PABIR3: variants seen among roughly 807,000 people sequenced by gnomAD.
PABIR3 encodes the protein PABIR family member 3, also known as PABIR family member 1.
A neutral mutation model predicts 23.1 loss-of-function variants in PABIR3; 20 were observed. The observed-to-expected ratio is 0.86, with a 90% CI of 0.61 to 1.26. The LOEUF (loss-of-function observed/expected upper bound fraction) is 1.26. PABIR3 is among the 50% of genes most tolerant of loss of function. The pLI is 0.00. For missense variants in PABIR3, 189 were observed against 195.4 expected (o/e 0.97, Z 0.20); for synonymous variants, 69 against 68.5 (o/e 1.01, Z -0.04).
chrX:134,855,261 C>T (rs908885058), downstream of PABIR3, among the ~76,000 whole-genome samples: 41 of 109,428 alleles, frequency 3.7e-4, no homozygotes, highest in Admixed American at 7.9e-4. Flanking sequence ...GGTGAAACCC[C>T]GTCTCTACTA....
intron 3 of PABIR3, among the ~76,000 whole-genome samples, chrX:134,821,000 C>T (rs184221024): frequency 0.01 from 1,066 of 103,335 alleles, 15 homozygotes; most frequent in African/African-American, 0.033. Context: ...CCAGCCTGGG[C>T]GACAGAGACA....
intron 4 of PABIR3, among the ~76,000 whole-genome samples, chrX:134,833,733 G>A (rs2081887663): frequency 9.1e-6 from 1 of 109,660 alleles, no homozygotes; most frequent in Non-Finnish European, 1.9e-5. Context: ...TGTTCTCATT[G>A]TTCAACTCCC....
chrX:134,825,311 A>G (rs1228630049), intron 3 of PABIR3, among the ~76,000 whole-genome samples: 5 of 111,932 alleles, frequency 4.5e-5, no homozygotes, highest in Non-Finnish European at 9.4e-5. Flanking sequence ...TGATGATGGT[A>G]GTAATAATGG....
At chrX:134,825,636 G>A (rs767162877) in intron 3 of PABIR3, among the ~76,000 whole-genome samples, 71 of 110,306 alleles carry the variant, frequency 6.4e-4, no homozygotes, top group Non-Finnish European at 1.1e-3. Flanking sequence ...TGAGTTATGC[G>A]CCAGTCAAGA....
At chrX:134,797,506 A>G (rs890500772) in intron 1 of PABIR3, among the ~76,000 whole-genome samples, 1 of 112,316 alleles carries the variant, frequency 8.9e-6, no homozygotes, top group Non-Finnish European at 1.9e-5. Context: ...ATCCCCACTC[A>G]TGCCTTAAAT....
At chrX:134,822,306 C>T (rs769572690) in intron 3 of PABIR3, 6 of 751,888 alleles carry the variant, frequency 8.0e-6, no homozygotes, top group Non-Finnish European at 9.4e-6. Context: ...CCTTTGCAAA[C>T]GCCACTTGTA....
intron 2 of PABIR3, among the ~76,000 whole-genome samples, chrX:134,808,645 G>T (rs1004340325): frequency 1.8e-5 from 2 of 112,363 alleles, no homozygotes; most frequent in African/African-American, 6.5e-5. Flanking sequence ...CTCCCAAAGT[G>T]CTGGGATTAC....
At chrX:134,852,973 G>A (rs939387369) in intron 10 of PABIR3, 77 bp downstream of exon 10, 54 of 548,158 alleles carry the variant, frequency 9.9e-5, no homozygotes, top group Middle Eastern at 3.6e-4. Flanking sequence ...GCTATTGTAC[G>A]TATTCAGAAG....
At chrX:134,826,877 T>C (rs2081527038) in intron 3 of PABIR3, among the ~76,000 whole-genome samples, 1 of 112,457 alleles carries the variant, frequency 8.9e-6, no homozygotes, top group Non-Finnish European at 1.9e-5. Flanking sequence ...ATATGATACA[T>C]TTTAAAACCC....
At chrX:134,842,873 G>A (rs2082283729) in intron 4 of PABIR3, among the ~76,000 whole-genome samples, 1 of 106,581 alleles carries the variant, frequency 9.4e-6, no homozygotes, top group Non-Finnish European at 1.9e-5. Flanking sequence ...ACTCCAGCCT[G>A]GGCAACAGGA....
intron 6 of PABIR3, among the ~76,000 whole-genome samples, chrX:134,847,057 A>G (rs1283634938): frequency 1.8e-5 from 2 of 112,211 alleles, no homozygotes; most frequent in Non-Finnish European, 3.8e-5. Context: ...GTTTTCAATA[A>G]CAAAGCACAG....
chrX:134,833,655 G>T (rs978028204), intron 4 of PABIR3, among the ~76,000 whole-genome samples: 3 of 110,509 alleles, frequency 2.7e-5, no homozygotes, highest in Non-Finnish European at 5.7e-5. Flanking sequence ...TGTCATCTAG[G>T]TTCCCTCCCC....
At chrX:134,821,027 A>T (rs1257944259) in intron 3 of PABIR3, among the ~76,000 whole-genome samples, 2 of 103,527 alleles carry the variant, frequency 1.9e-5, no homozygotes, top group Non-Finnish European at 3.9e-5. Context: ...ATATGAAAAA[A>T]ATATATATAT....
chrX:134,830,737 GA>G (rs769062207), intron 4 of PABIR3, among the ~76,000 whole-genome samples: 5 of 111,289 alleles, frequency 4.5e-5, no homozygotes, highest in Non-Finnish European at 9.4e-5. Context: ...GGAGTAAAGT[GA>G]CCTCGTGTTT....
chrX:134,850,816 C>T (rs1218447094), intron 9 of PABIR3, among the ~76,000 whole-genome samples: 3 of 111,635 alleles, frequency 2.7e-5, no homozygotes, highest in East Asian at 2.8e-4. Context: ...CTCTGAAAGA[C>T]GACTGCCTTA....
intron 6 of PABIR3, among the ~76,000 whole-genome samples, chrX:134,846,012 A>G (rs1037778496): frequency 8.9e-6 from 1 of 111,954 alleles, no homozygotes; most frequent in Non-Finnish European, 1.9e-5. Context: ...ATAAGGAAAT[A>G]CCCAAGACTG....
In PABIR3 at chrX:134,829,200, C is replaced by G. The variant is rs186580417; in HGVS notation, c.190-26C>G. On this transcript the variant is annotated intron_variant, in intron 3 of 10. Coordinates refer to ENST00000645433, the MANE Select transcript of PABIR3 (RefSeq NM_001388447.1). ...AATTAATCACAAACATTAAAGCAAG[C>G]TTGACTTCTATATTTTAAATTTCAG... 8.5e-4 allele frequency: 1,000 copies of G among 1,172,626 alleles called. 1 individual carries two copies. Among genetic ancestry groups the G allele is most frequent in the Non-Finnish European group, 1.1e-3 (909 of 863,752 alleles).
chrX:134,836,067 A>G (rs943333012), intron 4 of PABIR3, among the ~76,000 whole-genome samples: 1 of 111,796 alleles, frequency 8.9e-6, no homozygotes, highest in Non-Finnish European at 1.9e-5. Flanking sequence ...AGAACTCCTG[A>G]CCTCAGGTGA....
chrX:134,810,524 G>T, intron 2 of PABIR3: 1 of 752,987 alleles, frequency 1.3e-6, no homozygotes, highest in Non-Finnish European at 1.6e-6. Flanking sequence ...GAGATTAGGG[G>T]ACTTGCCCAG....
Sources: gnomAD v4.1 joint callset for allele counts (sites outside exome capture counted in the v4.1 genomes callset) on GRCh38, gnomAD v4.1.1 for gene constraint, MANE v1.5 for transcripts, NCBI Gene and HGNC (gene_info 2026-07-23, HGNC 2026-07-21) for gene names.